CLASP2: variants seen among roughly 807,000 people sequenced by gnomAD.
The protein encoded by CLASP2 is CLIP-associating protein 2.
CLASP2 carries 47 observed loss-of-function variants against 194.4 expected under a neutral mutation model. The ratio of observed to expected loss-of-function variants is 0.24; its 90% CI spans 0.19 to 0.31. The LOEUF (loss-of-function observed/expected upper bound fraction) is 0.31, where lower values mean the gene tolerates loss of function less well. Among genes scored for constraint, CLASP2 ranks in the 10% least tolerant of loss-of-function variants. The pLI is 1.00. For missense variants in CLASP2, 1,445 were observed against 1,823.6 expected (o/e 0.79, Z 3.78); for synonymous variants, 619 against 633.5 (o/e 0.98, Z 0.34).
chr3:33,674,008 C>A (rs2087957583), intron 6 of CLASP2, among the ~76,000 whole-genome samples: 1 of 152,010 alleles, frequency 6.6e-6, no homozygotes. Context: ...ACTTTAACAC[C>A]CCACTGTCAA....
At chr3:33,644,538 A>G in intron 8 of CLASP2, 1 of 580,892 alleles carries the variant, frequency 1.7e-6, no homozygotes, top group Non-Finnish European at 3.0e-6. Flanking sequence ...AATACCCTCA[A>G]GAAGAGACTA....
intron 13 of CLASP2, among the ~76,000 whole-genome samples, chr3:33,609,267 G>C (rs1022277648): frequency 1.3e-5 from 2 of 152,152 alleles, no homozygotes; most frequent in South Asian, 2.1e-4. Flanking sequence ...GCAACACAGT[G>C]AGAACCTGTC....
At position 33,498,331 on chromosome 3, in the gene CLASP2, G is replaced by A; in HGVS notation, c.*300C>T. ...TTTATACAATCATAACACTGGCAAAGGTTAATGGGAAGACAAAGTACAAAC... is the reference window on the plus strand; with the variant it reads ...TTTATACAATCATAACACTGGCAAAAGTTAATGGGAAGACAAAGTACAAAC... On this transcript the variant is annotated 3_prime_UTR_variant, in exon 39 of 39. Coordinates refer to ENST00000682230, the MANE Select transcript of CLASP2 (RefSeq NM_001365631.1). 1 of 236,590 alleles carries A rather than the reference G, an allele frequency of 4.2e-6. No homozygotes were observed. The highest frequency in any genetic ancestry group is 8.1e-6 in the Non-Finnish European group (1 of 123,572). 14.7% of individuals were successfully genotyped at this position (236,590 alleles called of 1,614,324 possible).
chr3:33,711,424 CTTTT>C (rs780380755), intron 1 of CLASP2, among the ~76,000 whole-genome samples: 1 of 136,128 alleles, frequency 7.3e-6, no homozygotes. Context: ...TTTTTTATTT[CTTTT>C]TTTTTTTTTT....
chr3:33,582,963 A>G (rs1238209785), intron 22 of CLASP2, among the ~76,000 whole-genome samples: 1 of 152,246 alleles, frequency 6.6e-6, no homozygotes, highest in Admixed American at 6.5e-5. Context: ...TCTACTCAAT[A>G]AAGACATTCT....
In CLASP2 at chr3:33,573,222, G is replaced by C. The variant is rs1307113994; in HGVS notation, c.2587C>G (p.Gln863Glu). 6.2e-7 allele frequency: 1 copy of C among 1,613,782 alleles called. No homozygotes were observed. The highest frequency in any genetic ancestry group is 1.3e-5 in the African/African-American group (1 of 74,900). Residue 863 changes from glutamine (Q) to glutamate (E), a missense_variant, in exon 25 of 39, where the codon CAG (glutamine) becomes GAG (glutamate). Gln to Glu is a conservative substitution (Grantham distance 29). Around this residue, in one of 4 missense-constraint regions of CLASP2, gnomAD observed 732 missense variants for 987.9 expected, o/e 0.74. Transcript: ENST00000682230. ...AGGACTTCTGCCACATCTTCCGTCT[G>C]CCTCATATATGTAGGAATACTACCA... is the stretch of plus-strand genomic sequence containing the variant. ...RNGSIPTYMRQTEDVAEVLNR... is the reference protein window; with the variant it reads ...RNGSIPTYMRETEDVAEVLNR...
chr3:33,570,554 G>GT (rs2063540391), intron 26 of CLASP2, 173 bp downstream of exon 26: 1 of 761,778 alleles, frequency 1.3e-6, no homozygotes, highest in South Asian at 1.8e-5. Flanking sequence ...AGCTCAAATA[G>GT]TTACCAGAGA....
At chr3:33,565,855 T>C (rs1560060079) in intron 27 of CLASP2, among the ~76,000 whole-genome samples, 1 of 151,334 alleles carries the variant, frequency 6.6e-6, no homozygotes. Context: ...ATATAATAAA[T>C]AAAATATATG....
Position 33,634,239 on chromosome 3 carries a change from T to C in CLASP2, c.863-1868A>G, listed in dbSNP as rs558691485. Among the ~76,000 whole-genome samples, 9 of 152,338 alleles carry C rather than the reference T, an allele frequency of 5.9e-5. No homozygotes were observed. In the South Asian group the frequency reaches 1.9e-3, roughly 32 times the overall value. ...TTGGCAAAATATTATCTAAACTGTG[T>C]ACCTAGCAAAAGTAATTTTTAGACA... is the stretch of plus-strand genomic sequence containing the variant. On this transcript the variant is annotated intron_variant, in intron 8 of 38. Transcript: ENST00000682230.
At chr3:33,597,986 C>G (rs189967302) in intron 18 of CLASP2, among the ~76,000 whole-genome samples, 15 of 152,132 alleles carry the variant, frequency 9.9e-5, no homozygotes, top group Middle Eastern at 6.8e-3. Flanking sequence ...CTCCCAACCT[C>G]AAGTGATCTG....
intron 3 of CLASP2, among the ~76,000 whole-genome samples, chr3:33,689,557 CA>C (rs934821971): frequency 6.6e-6 from 1 of 151,474 alleles, no homozygotes; most frequent in African/African-American, 2.4e-5. Context: ...AAAGAGAAAC[CA>C]AAAAATCCTA....
chr3:33,568,132 A>G (rs908939727), intron 26 of CLASP2, among the ~76,000 whole-genome samples: 1 of 152,208 alleles, frequency 6.6e-6, no homozygotes, highest in Non-Finnish European at 1.5e-5. Context: ...TTTAGTGTCA[A>G]CGACAAAGAG....
rs763390842 is a variant in CLASP2 at position 33,619,698 on chromosome 3, C to T, written c.1222G>A (p.Ala408Thr). The T allele has an allele frequency of 9.5e-6, 15 of 1,583,862 alleles. No homozygotes were observed. The highest frequency in any genetic ancestry group is 1.7e-4 in the Middle Eastern group (1 of 6,026). The change falls in exon 12 of 39, where the codon GCT becomes ACT. Residue 408 changes from alanine to threonine, a missense_variant. Coordinates refer to ENST00000682230, the MANE Select transcript of CLASP2 (RefSeq NM_001365631.1). ...AAAAGTGTAGGTACAATGGCTTCAG[C>T]GCCATGATCAAACTTGTTTCCCAAA... is the stretch of plus-strand genomic sequence containing the variant. The part of the protein sequence containing the change: ...TVLGNKFDHG[A>T]EAIVPTLFNL...
chr3:33,624,604 T>C (rs554331084), intron 10 of CLASP2, among the ~76,000 whole-genome samples: 4 of 152,220 alleles, frequency 2.6e-5, no homozygotes, highest in African/African-American at 9.6e-5. Context: ...TCTATACATA[T>C]TTACCTATGA....
chr3:33,524,106 T>A (rs532767108), intron 34 of CLASP2, among the ~76,000 whole-genome samples: 1 of 152,258 alleles, frequency 6.6e-6, no homozygotes, highest in East Asian at 1.9e-4. Flanking sequence ...GTAATTACTT[T>A]AAATGTAAAC....
At chr3:33,704,769 T>A (rs890862803) in intron 1 of CLASP2, among the ~76,000 whole-genome samples, 1 of 150,538 alleles carries the variant, frequency 6.6e-6, no homozygotes, top group Non-Finnish European at 1.5e-5. Context: ...TATATATACA[T>A]ATATATATAT....
intron 33 of CLASP2, among the ~76,000 whole-genome samples, chr3:33,538,140 CAA>C (rs56146913): frequency 7.0e-6 from 1 of 142,972 alleles, no homozygotes. Flanking sequence ...GACTCCGTCT[CAA>C]AAAAAAAAAA....
intron 31 of CLASP2, 48 bp from the exon 32 acceptor site, chr3:33,543,587 C>T (rs1576198661): frequency 2.6e-6 from 3 of 1,141,304 alleles, no homozygotes; most frequent in African/African-American, 3.1e-5. Context: ...GGTAAGTTCA[C>T]TTAAAAAAAC....
chr3:33,653,455 T>C lies in CLASP2; in HGVS notation c.716-8552A>G, dbSNP rs141899560. Among the ~76,000 whole-genome samples, 561 of 152,246 alleles carry C rather than the reference T, an allele frequency of 3.7e-3. 3 individuals are homozygous for C. The highest frequency in any genetic ancestry group is 0.01 in the African/African-American group (432 of 41,542). ...GGAGAAAAAAGTGAGATAAATCCTA[T>C]AGATGAATAGAGCCTTAAGAGGTAT... On this transcript the variant is annotated intron_variant, in intron 7 of 38. Transcript: ENST00000682230.
Sources: gnomAD v4.1 joint callset for allele counts (sites outside exome capture counted in the v4.1 genomes callset) on GRCh38, gnomAD v4.1.1 for gene constraint, gnomAD v4.1.1 regional missense constraint, MANE v1.5 for transcripts, NCBI Gene and HGNC (gene_info 2026-07-23, HGNC 2026-07-21) for gene names.